The following CELF2 variants were observed in gnomAD, a reference collection of about 807,000 sequenced individuals.
CELF2 encodes CUGBP Elav-like family member 2.
CELF2 carries 8 observed loss-of-function variants against 62.6 expected under a neutral mutation model. The observed-to-expected ratio is 0.13, with a 90% CI of 0.07 to 0.23. CELF2 has a LOEUF of 0.23. Among genes scored for constraint, CELF2 ranks in the 10% least tolerant of loss-of-function variants. The pLI is 1.00. For missense variants in CELF2, 333 were observed against 671.0 expected, an observed-to-expected ratio of 0.50 and a Z score of 5.56; for synonymous variants, 258 against 250.0, an observed-to-expected ratio of 1.03 and a Z score of -0.30.
intron 1 of CELF2, among the ~76,000 whole-genome samples, chr10:11,125,699 G>A (rs1030744054): frequency 5.9e-5 from 9 of 152,056 alleles, no homozygotes; most frequent in East Asian, 5.8e-4. Context: ...GTCACCTCTC[G>A]GTTTTGCTAT....
chr10:10,576,241 C>T, the CELF2 span, among the ~76,000 whole-genome samples: 5 of 152,092 alleles, frequency 3.3e-5, no homozygotes, highest in South Asian at 2.1e-4. Flanking sequence ...CAAAGAACTG[C>T]GAAGAGCTGA....
the CELF2 span, among the ~76,000 whole-genome samples, chr10:10,520,814 T>A: frequency 2.0e-5 from 3 of 152,132 alleles, no homozygotes. Context: ...ATACCTATTA[T>A]GCTCTAGGCT....
intron 4 of CELF2, 59 bp downstream of exon 4, chr10:11,249,260 T>G: frequency 7.0e-7 from 1 of 1,434,214 alleles, no homozygotes; most frequent in Non-Finnish European, 9.8e-7. Flanking sequence ...AATTACAAAG[T>G]CAGTTGGGGG....
chr10:10,755,754 G>C, the CELF2 span, among the ~76,000 whole-genome samples: 2 of 152,162 alleles, frequency 1.3e-5, no homozygotes, highest in Admixed American at 1.3e-4. Flanking sequence ...CTTCAACCAC[G>C]GGTAGGATCA....
At chr10:10,508,216 T>G in the CELF2 span, among the ~76,000 whole-genome samples, 1 of 151,990 alleles carries the variant, frequency 6.6e-6, no homozygotes, top group African/African-American at 2.4e-5. Context: ...AGTCAAATTG[T>G]GCATCCTACC....
intron 1 of CELF2, among the ~76,000 whole-genome samples, chr10:11,066,717 T>G (rs1405708590): frequency 1.3e-5 from 2 of 152,024 alleles, no homozygotes; most frequent in South Asian, 4.1e-4. Context: ...CTGTCGGGGA[T>G]AAGGAGGAGG....
In CELF2 at chr10:11,012,682, G is replaced by T. The variant is rs2056660058; in HGVS notation, c.53+7242G>T. On this transcript the variant is annotated intron_variant, in intron 1 of 12. Transcript: ENST00000416382. The surrounding 1 kb of genome is among the most constrained non-coding windows in gnomAD (Gnocchi z 5.5). The stretch of plus-strand genomic sequence containing the variant: ...TTAACACCATGTGACAGTAAGACAA[G>T]AACTTCTGACCAGTTGGGGAAAACA... Among the ~76,000 whole-genome samples, 1 of 152,180 alleles carries T rather than the reference G, an allele frequency of 6.6e-6. No homozygotes were observed. The highest frequency in any genetic ancestry group is 2.1e-4 in the South Asian group (1 of 4,832).
chr10:10,917,057 A>G (rs775355730), intron 1 of CELF2, among the ~76,000 whole-genome samples: 5 of 152,176 alleles, frequency 3.3e-5, no homozygotes, highest in Non-Finnish European at 7.3e-5. Context: ...TTACAGAAAC[A>G]AGAATTTTTC....
chr10:10,616,954 G>T, the CELF2 span, among the ~76,000 whole-genome samples: 1 of 151,734 alleles, frequency 6.6e-6, no homozygotes, highest in South Asian at 2.1e-4. Context: ...ACATAGTCTC[G>T]CTATGTTGCC....
chr10:10,983,170 G>A lies in CELF2; in HGVS notation c.89+63171G>A, dbSNP rs1010944413. Among the ~76,000 whole-genome samples the A allele has an allele frequency of 6.6e-6, 1 of 151,502 alleles. No homozygotes were observed. Among genetic ancestry groups the A allele is most frequent in the Non-Finnish European group, 1.5e-5 (1 of 67,920 alleles). On this transcript the variant is annotated intron_variant, in intron 2 of 13. Transcript: ENST00000636488. The surrounding 1 kb of genome is among the most constrained non-coding windows in gnomAD (Gnocchi z 5.2). The stretch of plus-strand genomic sequence containing the variant: ...TTCAATTTTTCAGAAGGCAAGTTCA[G>A]ACACATAGGTTTATACAAGATGAAA...
intron 8 of CELF2, among the ~76,000 whole-genome samples, chr10:11,276,139 G>A (rs572946642): frequency 1.1e-4 from 16 of 151,856 alleles, no homozygotes; most frequent in Admixed American, 3.3e-4. Context: ...CTTGGGGTTT[G>A]TTTATTTTTT....
chr10:11,161,568 GATA>G (rs1348552046), intron 1 of CELF2, among the ~76,000 whole-genome samples: 5 of 152,250 alleles, frequency 3.3e-5, no homozygotes, highest in Non-Finnish European at 1.5e-5. Flanking sequence ...CTCCAAAACA[GATA>G]ATGATTCCAG....
intron 1 of CELF2, chr10:11,097,256 T>G (rs1252767068): frequency 6.6e-6 from 1 of 152,272 alleles, no homozygotes; most frequent in Non-Finnish European, 1.5e-5. Context: ...GAGAGGTATT[T>G]CATTGAACCA....
At chr10:11,229,642 T>C (rs998516042) in intron 3 of CELF2, among the ~76,000 whole-genome samples, 5 of 150,452 alleles carry the variant, frequency 3.3e-5, no homozygotes, top group African/African-American at 1.2e-4. Flanking sequence ...TTGGCTGGAG[T>C]GCAGTGGCGC....
chr10:10,829,404 G>A (rs1267967700), intron 1 of CELF2, among the ~76,000 whole-genome samples: 1 of 152,110 alleles, frequency 6.6e-6, no homozygotes, highest in Non-Finnish European at 1.5e-5. Flanking sequence ...ACAAGCTGTG[G>A]ACCTTGATTG....
At chr10:10,851,059 G>C (rs774073228) in intron 1 of CELF2, among the ~76,000 whole-genome samples, 3 of 152,122 alleles carry the variant, frequency 2.0e-5, no homozygotes, top group Non-Finnish European at 4.4e-5. Flanking sequence ...ATCTGCCTTG[G>C]CCTCCCAAAG....
At chr10:10,866,920 C>CAACAAA (rs2060420285) in intron 1 of CELF2, among the ~76,000 whole-genome samples, 1 of 97,742 alleles carries the variant, frequency 1.0e-5, no homozygotes, top group Non-Finnish European at 2.0e-5. Context: ...AACTCCTTCT[C>CAACAAA]AAAAAAAAAA....
chr10:10,493,533 T>C, the CELF2 span, among the ~76,000 whole-genome samples: 1 of 151,176 alleles, frequency 6.6e-6, no homozygotes, highest in Non-Finnish European at 1.5e-5. Context: ...TTTTTTTTGT[T>C]TGTTTCTTTT....
At chr10:10,832,273 A>AAAAAAAT (rs1554847841) in intron 1 of CELF2, among the ~76,000 whole-genome samples, 1,640 of 151,036 alleles carry the variant, frequency 0.011, 24 homozygotes, top group African/African-American at 0.038. Context: ...ATCTAAAAAA[A>AAAAAAAT]AAAAATAAAA....
Sources: allele counts gnomAD v4.1 joint callset (sites outside exome capture counted in the v4.1 genomes callset), GRCh38; gene constraint gnomAD v4.1.1; non-coding constraint Gnocchi (gnomAD v3.1); transcripts MANE v1.5; gene names NCBI Gene and HGNC (gene_info 2026-07-23, HGNC 2026-07-21).